The following GLRA1 variants were observed in gnomAD, a reference collection of about 807,000 sequenced individuals.
The protein encoded by GLRA1 is glycine receptor alpha 1, also known as glycine receptor subunit alpha-1.
A neutral mutation model predicts 48.3 loss-of-function variants in GLRA1; 37 were observed. That is an observed-to-expected ratio of 0.77 (90% confidence interval 0.59 to 1.01). The LOEUF (loss-of-function observed/expected upper bound fraction) is 1.01. Among genes scored for constraint, GLRA1 ranks in the 50% least tolerant of loss-of-function variants. GLRA1 has a pLI of 0.00. For synonymous variants in GLRA1, 196 were observed against 210.7 expected (o/e 0.93, Z 0.60); for missense variants, 427 against 571.0 (o/e 0.75, Z 2.57).
chr5:151,881,824 G>A (rs1422762925), intron 3 of GLRA1, among the ~76,000 whole-genome samples: 1 of 152,152 alleles, frequency 6.6e-6, no homozygotes, highest in Non-Finnish European at 1.5e-5. Context: ...AATAAAGCCA[G>A]GTCCTGGGAG....
At chr5:151,823,510 G>C (rs1441533317) in intron 8 of GLRA1, among the ~76,000 whole-genome samples, 1 of 152,162 alleles carries the variant, frequency 6.6e-6, no homozygotes, top group Non-Finnish European at 1.5e-5. Context: ...GGAGTGGGTG[G>C]TAAGGGGGAT....
At chr5:151,849,814 A>C in intron 7 of GLRA1, 1 of 1,164,236 alleles carries the variant, frequency 8.6e-7, no homozygotes, top group Non-Finnish European at 1.1e-6. Context: ...TTGGCCTCCC[A>C]GAGTCCTGGG....
chr5:151,856,684 AT>A (rs1248109707), intron 4 of GLRA1, among the ~76,000 whole-genome samples: 3 of 151,710 alleles, frequency 2.0e-5, no homozygotes, highest in African/African-American at 7.3e-5. Flanking sequence ...ATGCCTGCTA[AT>A]TTTTAAATTT....
intron 3 of GLRA1, among the ~76,000 whole-genome samples, chr5:151,861,204 T>C (rs1309730904): frequency 3.9e-5 from 6 of 152,208 alleles, no homozygotes; most frequent in Non-Finnish European, 8.8e-5. Flanking sequence ...CATGTGTCTT[T>C]ATAGCAGCAT....
chr5:151,893,356 CTTT>C (rs1754146527), intron 1 of GLRA1, among the ~76,000 whole-genome samples: 1 of 118,476 alleles, frequency 8.4e-6, no homozygotes, highest in South Asian at 2.7e-4. Context: ...TTCTTTCTTT[CTTT>C]CATTTTAGTT....
At chr5:151,835,021 A>C (rs1486320592) in intron 7 of GLRA1, among the ~76,000 whole-genome samples, 2 of 133,366 alleles carry the variant, frequency 1.5e-5, no homozygotes, top group African/African-American at 2.9e-5. Flanking sequence ...GAGCGAGACA[A>C]CATCTCAAAA....
chr5:151,855,159 T>A lies in GLRA1; in HGVS notation c.578A>T (p.Asp193Val), dbSNP rs746507373. 1.2e-6 allele frequency: 2 copies of A among 1,613,926 alleles called. No homozygotes were observed. The highest frequency in any genetic ancestry group is 2.2e-5 in the East Asian group (1 of 44,872). ...QLESFGYTMN[D>V]LIFEWQEQGA... ...CTGTTCCTGCCACTCAAAGATGAGG[T>A]CATTCATCGTATATCCAACTGGGAT... is the stretch of plus-strand genomic sequence containing the variant. Residue 193 changes from aspartate to valine, a missense_variant, in exon 6 of 9, where the codon GAC becomes GTC. Physicochemically the swap from Asp to Val is radical, Grantham distance 152 (BLOSUM62 -3). Around this residue, in one of 4 missense-constraint regions of GLRA1, gnomAD observed 271 missense variants for 434.9 expected, o/e 0.62. Transcript: ENST00000274576.
intron 3 of GLRA1, 64 bp downstream of exon 3, chr5:151,886,657 G>C: frequency 8.2e-7 from 1 of 1,215,786 alleles, no homozygotes; most frequent in Non-Finnish European, 1.2e-6. Flanking sequence ...CAATGCAGAG[G>C]ATAAATATTT....
In GLRA1 at chr5:151,891,490, T is replaced by C. The variant is rs1196478774; in HGVS notation, c.184+821A>G. Among the ~76,000 whole-genome samples the C allele has an allele frequency of 2.6e-5, 4 of 152,174 alleles. No individual in the cohort carries two copies. In the East Asian group the frequency reaches 7.7e-4, roughly 29 times the overall value. ...ATAGATCTCGGTATCTGGCTCTTCT[T>C]GGAATACTTGATGCTCTGGAAACAT... is the stretch of plus-strand genomic sequence containing the variant. On this transcript the variant is annotated intron_variant, in intron 2 of 8. Coordinates refer to ENST00000274576, the MANE Select transcript of GLRA1 (RefSeq NM_000171.4).
In GLRA1 at chr5:151,924,615, A is replaced by G. The variant is rs930816700; in HGVS notation, c.-66T>C. Reference sequence around the variant, plus strand: ...GCAAAAATGTTTCAAATTGGCACTTACAAAACCAGAAAGCGCTATTGCAAA... The same window carrying G: ...GCAAAAATGTTTCAAATTGGCACTTGCAAAACCAGAAAGCGCTATTGCAAA... On this transcript the variant is annotated 5_prime_UTR_variant, in exon 1 of 9. Transcript: ENST00000274576. 3 of 980,332 alleles carry G rather than the reference A, an allele frequency of 3.1e-6. No homozygotes were observed. The highest frequency in any genetic ancestry group is 5.0e-6 in the Non-Finnish European group (3 of 601,080). 60.7% of individuals were successfully genotyped at this position (980,332 alleles called of 1,614,324 possible).
At chr5:151,829,982 T>C (rs950262899) in intron 7 of GLRA1, among the ~76,000 whole-genome samples, 3 of 152,226 alleles carry the variant, frequency 2.0e-5, no homozygotes, top group Admixed American at 6.5e-5. Context: ...GTAATGGATA[T>C]TTAAATTTTC....
intron 3 of GLRA1, 80 bp from the exon 4 acceptor site, chr5:151,860,088 C>T (rs1753156378): frequency 1.0e-6 from 1 of 982,744 alleles, no homozygotes; most frequent in South Asian, 1.3e-5. Context: ...TGCTTTTGGC[C>T]AGTAAAACCT....
chr5:151,871,014 C>T (rs954669540), intron 3 of GLRA1, among the ~76,000 whole-genome samples: 1 of 149,546 alleles, frequency 6.7e-6, no homozygotes. Flanking sequence ...TGAAGAGTCA[C>T]GCTCTGGGCA....
At chr5:151,902,931 G>A (rs915915217) in intron 1 of GLRA1, among the ~76,000 whole-genome samples, 1 of 152,218 alleles carries the variant, frequency 6.6e-6, no homozygotes, top group African/African-American at 2.4e-5. Context: ...TGATGAATGT[G>A]CAATAGCCAT....
At chr5:151,883,048 A>G (rs1214301936) in intron 3 of GLRA1, among the ~76,000 whole-genome samples, 1 of 152,194 alleles carries the variant, frequency 6.6e-6, no homozygotes, top group Non-Finnish European at 1.5e-5. Context: ...TGAGATATAT[A>G]TAAGAAATAC....
intron 1 of GLRA1, among the ~76,000 whole-genome samples, chr5:151,914,998 T>C (rs574365666): frequency 6.6e-6 from 1 of 152,202 alleles, no homozygotes; most frequent in Admixed American, 6.5e-5. Context: ...AAGGAGTGTT[T>C]TCTATAGTCA....
chr5:151,883,497 A>G (rs1006864014), intron 3 of GLRA1, among the ~76,000 whole-genome samples: 6 of 152,226 alleles, frequency 3.9e-5, no homozygotes, highest in Non-Finnish European at 7.3e-5. Context: ...TTGTGATATG[A>G]TCTGTACAAA....
intron 1 of GLRA1, among the ~76,000 whole-genome samples, chr5:151,918,466 C>A (rs1581668066): frequency 6.6e-6 from 1 of 152,260 alleles, no homozygotes; most frequent in East Asian, 1.9e-4. Context: ...TTTGCATAAC[C>A]AAGGTGATTT....
In GLRA1 at chr5:151,873,264, G is replaced by T. The variant is rs115442023; in HGVS notation, c.253-13256C>A. Among the ~76,000 whole-genome samples, 698 of 149,530 alleles carry T rather than the reference G, an allele frequency of 4.7e-3. 88 individuals are homozygous for T. The highest frequency in any genetic ancestry group is 0.018 in the African/African-American group (685 of 38,926). On this transcript the variant is annotated intron_variant, in intron 3 of 8. Transcript: ENST00000274576. Reference sequence around the variant, plus strand: ...GTTTTCCAAGGGCTTCCTGGGGGAGGCAGAGGTTGAGAGAGAGGTCAAGAG... The same window carrying T: ...GTTTTCCAAGGGCTTCCTGGGGGAGTCAGAGGTTGAGAGAGAGGTCAAGAG...
Sources: allele counts gnomAD v4.1 joint callset (sites outside exome capture counted in the v4.1 genomes callset), GRCh38; gene constraint gnomAD v4.1.1; regional missense constraint gnomAD v4.1.1; transcripts MANE v1.5; gene names NCBI Gene and HGNC (gene_info 2026-07-23, HGNC 2026-07-21).